The following ERC2 variants were observed in gnomAD, a reference collection of about 807,000 sequenced individuals.
The protein encoded by ERC2 is ERC protein 2.
In ERC2, 42 loss-of-function variants were observed where a neutral mutation model predicts 114.8. That is an observed-to-expected ratio of 0.37 (90% CI 0.29 to 0.47). The LOEUF (loss-of-function observed/expected upper bound fraction) is 0.47, where lower values mean the gene tolerates loss of function less well. Ranked by LOEUF, ERC2 falls within the 20% of genes least tolerant of loss-of-function variation. The pLI is 0.99. For missense variants in ERC2, 939 were observed against 1,150.7 expected (o/e 0.82, Z 2.66); for synonymous variants, 454 against 425.5 (o/e 1.07, Z -0.82).
intron 15 of ERC2, among the ~76,000 whole-genome samples, chr3:55,728,629 T>A (rs1022730146): frequency 6.6e-6 from 1 of 152,182 alleles, no homozygotes; most frequent in African/African-American, 2.4e-5. Context: ...GATTTATCTT[T>A]AGAAAGGATT....
intron 6 of ERC2, among the ~76,000 whole-genome samples, chr3:56,084,404 G>A (rs1277166170): frequency 1.3e-5 from 2 of 152,180 alleles, no homozygotes; most frequent in African/African-American, 2.4e-5. Flanking sequence ...ATACCTGTAT[G>A]TGTATGTTTA....
chr3:56,416,744 C>T (rs1456521126), intron 2 of ERC2, among the ~76,000 whole-genome samples: 1 of 150,936 alleles, frequency 6.6e-6, no homozygotes, highest in Non-Finnish European at 1.5e-5. Flanking sequence ...TGGCTCAAGA[C>T]TCCTTTTAGT....
chr3:55,826,900 C>T (rs769604954), intron 14 of ERC2, among the ~76,000 whole-genome samples: 25 of 152,180 alleles, frequency 1.6e-4, no homozygotes, highest in African/African-American at 4.8e-4. Flanking sequence ...CTCTCCTGCC[C>T]AATTCTCCTG....
chr3:55,664,499 C>T (rs373433581), intron 17 of ERC2, among the ~76,000 whole-genome samples: 3 of 152,216 alleles, frequency 2.0e-5, no homozygotes, highest in South Asian at 2.1e-4. Flanking sequence ...CCCGAGCTCA[C>T]GAACCGCCAT....
At chr3:55,520,661 C>T (rs930021898) in intron 17 of ERC2, among the ~76,000 whole-genome samples, 5 of 152,186 alleles carry the variant, frequency 3.3e-5, no homozygotes, top group Admixed American at 6.5e-5. Flanking sequence ...GAACATTTCA[C>T]TGGGGCACCT....
chr3:55,975,974 A>T (rs1216715587), intron 12 of ERC2, among the ~76,000 whole-genome samples: 2 of 152,218 alleles, frequency 1.3e-5, no homozygotes, highest in Non-Finnish European at 2.9e-5. Flanking sequence ...TGACATTCAT[A>T]TAGAATTTGT....
At chr3:56,359,811 G>C (rs1560666697) in intron 2 of ERC2, among the ~76,000 whole-genome samples, 3 of 147,480 alleles carry the variant, frequency 2.0e-5, no homozygotes, top group Non-Finnish European at 2.9e-5. Context: ...AGAGAGAGAG[G>C]ATGGAGGTGC....
chr3:56,040,443 C>T (rs574479456), intron 7 of ERC2, among the ~76,000 whole-genome samples: 44 of 150,550 alleles, frequency 2.9e-4, no homozygotes, highest in Admixed American at 8.0e-4. Context: ...AGTGTAATGA[C>T]GCACCTCAGC....
intron 7 of ERC2, among the ~76,000 whole-genome samples, chr3:56,067,039 C>T (rs1447974379): frequency 3.3e-5 from 5 of 152,262 alleles, no homozygotes; most frequent in Non-Finnish European, 7.4e-5. Flanking sequence ...TAGGCATGGG[C>T]TCTTTTATGG....
chr3:55,758,040 G>C (rs1449264981), intron 14 of ERC2, among the ~76,000 whole-genome samples: 3 of 152,002 alleles, frequency 2.0e-5, no homozygotes, highest in Non-Finnish European at 4.4e-5. Flanking sequence ...GACTATCAGA[G>C]TGACTGAAAT....
intron 7 of ERC2, among the ~76,000 whole-genome samples, chr3:56,062,540 A>G (rs1239489753): frequency 6.6e-6 from 1 of 152,176 alleles, no homozygotes; most frequent in Non-Finnish European, 1.5e-5. Flanking sequence ...AAAAAATAAT[A>G]ATAATGATAC....
At chr3:55,513,128 C>T (rs564148358) in intron 17 of ERC2, among the ~76,000 whole-genome samples, 4 of 152,344 alleles carry the variant, frequency 2.6e-5, no homozygotes, top group Admixed American at 6.5e-5. Flanking sequence ...CCCAACTCTG[C>T]GCTTTCAACG....
intron 6 of ERC2, among the ~76,000 whole-genome samples, chr3:56,114,752 T>G (rs1052699577): frequency 6.6e-6 from 1 of 152,152 alleles, no homozygotes; most frequent in Non-Finnish European, 1.5e-5. Flanking sequence ...CCTAACCAAC[T>G]CCATCTTGCC....
chr3:56,424,411 G>C (rs914850730), intron 2 of ERC2, among the ~76,000 whole-genome samples: 2 of 152,108 alleles, frequency 1.3e-5, no homozygotes, highest in Admixed American at 6.6e-5. Flanking sequence ...CCTACCATTA[G>C]CCAAGTCTTT....
intron 3 of ERC2, among the ~76,000 whole-genome samples, chr3:56,222,642 A>G (rs1178357600): frequency 1.3e-5 from 2 of 152,246 alleles, no homozygotes; most frequent in Non-Finnish European, 2.9e-5. Context: ...ATGGAAGGTC[A>G]GAGTACAGTC....
intron 2 of ERC2, among the ~76,000 whole-genome samples, chr3:56,349,555 C>A (rs2058469938): frequency 6.6e-6 from 1 of 152,184 alleles, no homozygotes; most frequent in Non-Finnish European, 1.5e-5. Context: ...CTAAAGGGAA[C>A]AATAGACAGC....
intron 3 of ERC2, among the ~76,000 whole-genome samples, chr3:56,238,670 T>C (rs2051127306): frequency 6.6e-6 from 1 of 152,170 alleles, no homozygotes; most frequent in African/African-American, 2.4e-5. Context: ...ACTTAGATAT[T>C]TGGTCTGCGG....
chr3:55,981,607 AG>A (rs2070146160), intron 12 of ERC2, among the ~76,000 whole-genome samples: 2 of 152,230 alleles, frequency 1.3e-5, no homozygotes, highest in South Asian at 2.1e-4. Context: ...AGGAAGGAGG[AG>A]GGGGAGGAGA....
At chr3:55,854,914 G>A (rs1206652155) in intron 14 of ERC2, among the ~76,000 whole-genome samples, 2 of 152,030 alleles carry the variant, frequency 1.3e-5, no homozygotes, top group East Asian at 1.9e-4. Flanking sequence ...GCTCCTCCCC[G>A]GAAGCTCAGC....
Sources: allele counts gnomAD v4.1 joint callset (sites outside exome capture counted in the v4.1 genomes callset), GRCh38; gene constraint gnomAD v4.1.1; transcripts MANE v1.5; gene names NCBI Gene and HGNC (gene_info 2026-07-23, HGNC 2026-07-21).